PALS2: variants seen among roughly 807,000 people sequenced by gnomAD.
PALS2 encodes protein associated with LIN7 2, MAGUK p55 family member.
Under a neutral mutation model 61.6 loss-of-function variants are expected in PALS2, and 27 were observed. The ratio of observed to expected loss-of-function variants is 0.44; its 90% CI spans 0.32 to 0.60. The LOEUF (loss-of-function observed/expected upper bound fraction) is 0.60, where lower values mean the gene tolerates loss of function less well. Ranked by LOEUF, PALS2 falls within the 20% of genes least tolerant of loss-of-function variation. The probability of loss-of-function intolerance (pLI) is 0.05; values close to 1 mark genes in which losing one functional copy is unlikely to be tolerated. For missense variants in PALS2, 554 were observed against 639.4 expected (o/e 0.87, Z 1.44); for synonymous variants, 236 against 218.6 (o/e 1.08, Z -0.70).
intron 2 of PALS2, among the ~76,000 whole-genome samples, chr7:24,630,422 A>G (rs982279310): frequency 6.6e-6 from 1 of 152,144 alleles, no homozygotes; most frequent in African/African-American, 2.4e-5. Flanking sequence ...ACCATGGCAC[A>G]TTTGTACTTA....
At chr7:24,671,738 A>C (rs1363741701) in intron 9 of PALS2, among the ~76,000 whole-genome samples, 1 of 152,140 alleles carries the variant, frequency 6.6e-6, no homozygotes, top group East Asian at 1.9e-4. Context: ...GGGGGTTCCA[A>C]CTTTATTCTT....
intron 1 of PALS2, among the ~76,000 whole-genome samples, chr7:24,620,729 C>G (rs1004049034): frequency 2.0e-5 from 3 of 152,072 alleles, no homozygotes; most frequent in Non-Finnish European, 4.4e-5. Flanking sequence ...TAATTTGTTA[C>G]TATTGCTAAC....
At chr7:24,653,159 T>C (rs565214203) in intron 5 of PALS2, among the ~76,000 whole-genome samples, 69 of 152,204 alleles carry the variant, frequency 4.5e-4, no homozygotes, top group Non-Finnish European at 7.1e-4. Context: ...CAACAAAATA[T>C]TAGCAAATCA....
chr7:24,581,603 A>G (rs1782848734), intron 1 of PALS2, among the ~76,000 whole-genome samples: 1 of 152,184 alleles, frequency 6.6e-6, no homozygotes, highest in African/African-American at 2.4e-5. Flanking sequence ...ATCTCCAGGA[A>G]TATTTGGCTG....
At chr7:24,675,232 C>A (rs1242745282) in intron 9 of PALS2, among the ~76,000 whole-genome samples, 1 of 152,018 alleles carries the variant, frequency 6.6e-6, no homozygotes, top group Admixed American at 6.6e-5. Flanking sequence ...GCAGCGCATT[C>A]CCCTATATGG....
At chr7:24,645,085 T>G (rs1785763255) in intron 3 of PALS2, among the ~76,000 whole-genome samples, 2 of 152,168 alleles carry the variant, frequency 1.3e-5, no homozygotes, top group Admixed American at 6.5e-5. Flanking sequence ...TTCTGTAGGC[T>G]CTTTACTCTG....
rs957706619 is a variant in PALS2, at chr7:24,680,536, G to T, written c.1446+16G>T. ...GCTTCTGACCGTGAGCTAACCATAC[G>T]ATTTTCCTTCTAAAATCTTTCCTTT... On this transcript the variant is annotated intron_variant, in intron 11 of 11. Coordinates refer to ENST00000222644, the MANE Select transcript of PALS2 (RefSeq NM_001303037.2). 1.9e-6 allele frequency: 3 copies of T among 1,601,238 alleles called. No homozygotes were observed. In the African/African-American group the frequency reaches 4.0e-5, roughly 22 times the overall value.
intron 1 of PALS2, among the ~76,000 whole-genome samples, chr7:24,601,106 A>AT (rs1032334848): frequency 5.9e-5 from 9 of 151,896 alleles, no homozygotes; most frequent in Non-Finnish European, 8.8e-5. Context: ...GCTAATTCTT[A>AT]TTTTTTTGGT....
At position 24,677,602 on chromosome 7, in the gene PALS2, A is replaced by G. The variant is rs573413287; in HGVS notation, c.1115-1529A>G. Among the ~76,000 whole-genome samples the G allele has an allele frequency of 9.5e-4, 145 of 152,244 alleles. 1 individual carries two copies. Among genetic ancestry groups the G allele is most frequent in the Non-Finnish European group, 9.9e-4 (67 of 68,004 alleles). ...ATGAAGGGCTGTTGAATTTTGTCAA[A>G]GGCCTTTTCTGCATCTATTGAGATA... On this transcript the variant is annotated intron_variant, in intron 9 of 11. Coordinates refer to ENST00000222644, the MANE Select transcript of PALS2 (RefSeq NM_001303037.2).
chr7:24,600,929 T>A (rs1440988752), intron 1 of PALS2, among the ~76,000 whole-genome samples: 1 of 151,726 alleles, frequency 6.6e-6, no homozygotes, highest in African/African-American at 2.4e-5. Context: ...TAGATATACT[T>A]TTTTTTTAGG....
intron 1 of PALS2, among the ~76,000 whole-genome samples, chr7:24,598,657 C>T (rs779249614): frequency 3.3e-5 from 5 of 152,106 alleles, no homozygotes; most frequent in African/African-American, 7.2e-5. Context: ...CTTTGGAATT[C>T]GCAAATTTCT....
chr7:24,677,826 C>T (rs1787700084), intron 9 of PALS2, among the ~76,000 whole-genome samples: 1 of 152,172 alleles, frequency 6.6e-6, no homozygotes, highest in African/African-American at 2.4e-5. Flanking sequence ...GACGACCACT[C>T]TCAAGGTTGA....
At chr7:24,594,516 C>G (rs1783425044) in intron 1 of PALS2, among the ~76,000 whole-genome samples, 1 of 152,092 alleles carries the variant, frequency 6.6e-6, no homozygotes, top group African/African-American at 2.4e-5. Context: ...GCTCCTCTTC[C>G]TTTCACTTGA....
At chr7:24,580,557 G>GT (rs1297621600) in intron 1 of PALS2, among the ~76,000 whole-genome samples, 1 of 152,090 alleles carries the variant, frequency 6.6e-6, no homozygotes, top group Non-Finnish European at 1.5e-5. Context: ...CTGCCTTCTT[G>GT]TTTCTTTTCT....
chr7:24,573,594 GTGAGTTAAC>G lies in PALS2; in HGVS notation c.-3+4_-3+12del. Reference sequence around the variant, plus strand: ...GCGGAGGCGGCTGAGGTGCGAGCCGGTGAGTTAACTGGACCCCCACGCCGCTCGGGTAAC... The same window carrying G: ...GCGGAGGCGGCTGAGGTGCGAGCCGGTGGACCCCCACGCCGCTCGGGTAAC... On this transcript the variant is annotated splice_donor_variant and splice_donor_5th_base_variant and intron_variant, in intron 1 of 11. Transcript: ENST00000222644. LOFTEE classifies it low-confidence loss of function (5UTR_SPLICE). The surrounding 1 kb of genome is among the most constrained non-coding windows in gnomAD (Gnocchi z 5.3). 1 of 371,778 alleles carries G rather than the reference GTGAGTTAAC, an allele frequency of 2.7e-6. No homozygotes were observed. The highest frequency in any genetic ancestry group is 4.8e-6 in the Non-Finnish European group (1 of 209,420). The allele number at this position is 371,778 out of a possible 1,614,324, so 23.0% of individuals were successfully genotyped here. A position where few individuals can be genotyped will look rare whatever the true frequency, so the allele number is the denominator to read the frequency against.
At chr7:24,629,272 A>G (rs1008363661) in intron 2 of PALS2, among the ~76,000 whole-genome samples, 1 of 152,110 alleles carries the variant, frequency 6.6e-6, no homozygotes, top group Non-Finnish European at 1.5e-5. Flanking sequence ...TGATGTTGGG[A>G]AAACTAGCCA....
intron 1 of PALS2, among the ~76,000 whole-genome samples, chr7:24,593,490 G>T (rs1367422347): frequency 2.0e-5 from 3 of 152,032 alleles, no homozygotes; most frequent in African/African-American, 7.2e-5. Context: ...ATCCATCAGA[G>T]GAATCACTAT....
rs978214401 is a variant in PALS2, at chr7:24,687,721, C to T, written c.*107C>T. On this transcript the variant is annotated 3_prime_UTR_variant, in exon 12 of 12. Transcript: ENST00000222644. The surrounding 1 kb of genome is among the most constrained non-coding windows in gnomAD (Gnocchi z 4.5). The stretch of plus-strand genomic sequence containing the variant: ...ACAGATAGAAGATTATCTGCTAAGT[C>T]CAGGCATTTTTATGGTGTAGATTGA... The T allele has an allele frequency of 2.6e-6, 3 of 1,162,332 alleles. No homozygotes were observed. In the African/African-American group the frequency reaches 4.8e-5, roughly 18 times the overall value. The allele number at this position is 1,162,332 out of a possible 1,614,324, so 72.0% of individuals were successfully genotyped here. A position where few individuals can be genotyped will look rare whatever the true frequency, so the allele number is the denominator to read the frequency against.
Position 24,623,097 on chromosome 7 carries a change from C to G in PALS2, c.-2-569C>G, listed in dbSNP as rs115439478. Among the ~76,000 whole-genome samples the G allele has an allele frequency of 1.8e-3, 279 of 151,024 alleles. 1 individual carries two copies. Among genetic ancestry groups the G allele is most frequent in the African/African-American group, 6.6e-3 (270 of 41,206 alleles). ...GTTTAAGATTTTTGCATTTGTATTT[C>G]TAGGAGAGATTGGTGGTAATTTTTT... On this transcript the variant is annotated intron_variant, in intron 1 of 11. Transcript: ENST00000222644.
Sources: gnomAD v4.1 joint callset for allele counts (sites outside exome capture counted in the v4.1 genomes callset) on GRCh38, gnomAD v4.1.1 for gene constraint, Gnocchi (gnomAD v3.1) non-coding constraint, MANE v1.5 for transcripts, NCBI Gene and HGNC (gene_info 2026-07-23, HGNC 2026-07-21) for gene names.